Variants in TMEM200A observed in about 807,000 individuals in gnomAD.
TMEM200A encodes the protein two transmembrane C.
TMEM200A carries 12 observed loss-of-function variants against 24.3 expected under a neutral mutation model. The observed-to-expected ratio is 0.49, with a 90% CI of 0.32 to 0.80. The LOEUF (loss-of-function observed/expected upper bound fraction) is 0.80, where lower values mean the gene tolerates loss of function less well. Ranked by LOEUF, TMEM200A falls within the 30% of genes least tolerant of loss-of-function variation. The pLI is 0.04. For synonymous variants in TMEM200A, 224 were observed against 224.4 expected (o/e 1.00, Z 0.02); for missense variants, 545 against 614.4 (o/e 0.89, Z 1.19).
intron 2 of TMEM200A, among the ~76,000 whole-genome samples, chr6:130,405,990 C>T (rs953673312): frequency 6.6e-6 from 1 of 152,118 alleles, no homozygotes; most frequent in African/African-American, 2.4e-5. Flanking sequence ...TTATCCTCAC[C>T]CTCTATCATT....
At chr6:130,407,657 A>G (rs1026939953) in intron 2 of TMEM200A, among the ~76,000 whole-genome samples, 2 of 152,246 alleles carry the variant, frequency 1.3e-5, no homozygotes, top group Non-Finnish European at 2.9e-5. Context: ...CAAGACATGT[A>G]GAGATGAGTA....
intron 1 of TMEM200A, among the ~76,000 whole-genome samples, chr6:130,378,722 CA>C (rs56819618): frequency 0.061 from 3,409 of 56,328 alleles, 79 homozygotes; most frequent in African/African-American, 0.17. Flanking sequence ...GACTCCGTCT[CA>C]AAAAAAAAAA....
At chr6:130,417,307 G>A (rs1275067160) in intron 2 of TMEM200A, among the ~76,000 whole-genome samples, 2 of 152,098 alleles carry the variant, frequency 1.3e-5, no homozygotes, top group Non-Finnish European at 2.9e-5. Flanking sequence ...AACACTTTTG[G>A]TGTTGAATTA....
chr6:130,395,246 C>A (rs1156592010), intron 2 of TMEM200A, among the ~76,000 whole-genome samples: 3 of 152,172 alleles, frequency 2.0e-5, no homozygotes, highest in African/African-American at 7.2e-5. Flanking sequence ...ATTCTTCTAG[C>A]TAGATTGAGT....
At chr6:130,426,472 T>A (rs1044951027) in intron 2 of TMEM200A, among the ~76,000 whole-genome samples, 25 of 119,796 alleles carry the variant, frequency 2.1e-4, no homozygotes, top group African/African-American at 6.5e-4. Context: ...CCCCCCCCCC[T>A]CAGTTTCCCT....
At chr6:130,432,658 ATTGT>A (rs1416696113) in intron 2 of TMEM200A, among the ~76,000 whole-genome samples, 2 of 152,206 alleles carry the variant, frequency 1.3e-5, no homozygotes, top group Non-Finnish European at 2.9e-5. Flanking sequence ...AGTAATAGCT[ATTGT>A]TTGAGAACTT....
chr6:130,380,542 G>A (rs1778572631), intron 1 of TMEM200A, among the ~76,000 whole-genome samples: 2 of 152,134 alleles, frequency 1.3e-5, no homozygotes, highest in African/African-American at 4.8e-5. Context: ...TAAAGTTGAC[G>A]AGAAAAGACA....
intron 1 of TMEM200A, among the ~76,000 whole-genome samples, chr6:130,373,192 A>C (rs1024199165): frequency 1.3e-5 from 2 of 152,232 alleles, no homozygotes; most frequent in South Asian, 4.1e-4. Flanking sequence ...TTCCCTTGGC[A>C]AAGTAAGTCA....
chr6:130,410,959 A>G (rs1016165855), intron 2 of TMEM200A, among the ~76,000 whole-genome samples: 2 of 152,222 alleles, frequency 1.3e-5, no homozygotes, highest in African/African-American at 4.8e-5. Flanking sequence ...ACCTGAGGTC[A>G]GGAGTTTGAG....
chr6:130,413,881 A>G (rs1779387761), intron 2 of TMEM200A, among the ~76,000 whole-genome samples: 1 of 152,136 alleles, frequency 6.6e-6, no homozygotes, highest in Non-Finnish European at 1.5e-5. Context: ...TTTGAACGTT[A>G]TGTGCTTAGA....
intron 2 of TMEM200A, among the ~76,000 whole-genome samples, chr6:130,401,675 C>T (rs1056163887): frequency 4.6e-5 from 7 of 151,732 alleles, no homozygotes; most frequent in African/African-American, 1.7e-4. Context: ...TTAAGTATTG[C>T]AAGATTGTTT....
intron 2 of TMEM200A, among the ~76,000 whole-genome samples, chr6:130,435,819 A>T (rs536226540): frequency 2.0e-5 from 3 of 152,346 alleles, no homozygotes; most frequent in Admixed American, 2.0e-4. Flanking sequence ...CCTGTCAGGC[A>T]TGCTGGAGAG....
intron 2 of TMEM200A, among the ~76,000 whole-genome samples, chr6:130,407,875 C>A (rs1341405576): frequency 6.6e-6 from 1 of 152,176 alleles, no homozygotes; most frequent in African/African-American, 2.4e-5. Context: ...GACCTGATCT[C>A]TGAATTTTAC....
intron 2 of TMEM200A, among the ~76,000 whole-genome samples, chr6:130,425,660 A>G (rs1446377067): frequency 6.6e-6 from 1 of 152,184 alleles, no homozygotes; most frequent in Non-Finnish European, 1.5e-5. Context: ...TCAGAACTTG[A>G]GTTGGAAGAG....
intron 1 of TMEM200A, among the ~76,000 whole-genome samples, chr6:130,376,373 C>T (rs938298895): frequency 1.3e-5 from 2 of 152,136 alleles, no homozygotes; most frequent in African/African-American, 2.4e-5. Flanking sequence ...TGGGTTCAAG[C>T]GATTCTTATG....
Position 130,441,697 on chromosome 6 carries a change from C to A in TMEM200A, c.1275C>A (p.Asn425Lys), listed in dbSNP as rs762808645. 6.2e-7 allele frequency: 1 copy of A among 1,614,036 alleles called. No individual in the cohort carries two copies. The highest frequency in any genetic ancestry group is 2.2e-5 in the East Asian group (1 of 44,844). Reference sequence around the variant, plus strand: ...CAAGTTGGCCTAGGTTGGATCGGAACAACAGCAAGGGATATATGAAACTAG... The same window carrying A: ...CAAGTTGGCCTAGGTTGGATCGGAAAAACAGCAAGGGATATATGAAACTAG... ...KHPSWPRLDR[N>K]NSKGYMKLEN... The change falls in exon 3 of 3, where the codon AAC becomes AAA. Residue 425 changes from asparagine (N) to lysine (K), a missense_variant. Physicochemically the swap from Asn to Lys is moderately conservative, Grantham distance 94 (BLOSUM62 0). Coordinates refer to ENST00000296978, the MANE Select transcript of TMEM200A (RefSeq NM_001258277.2).
At chr6:130,375,601 T>C (rs1280000759) in intron 1 of TMEM200A, among the ~76,000 whole-genome samples, 1 of 152,184 alleles carries the variant, frequency 6.6e-6, no homozygotes, top group Non-Finnish European at 1.5e-5. Flanking sequence ...AGAGAGTGCA[T>C]GCGCTCATTT....
Position 130,385,235 on chromosome 6 carries a change from A to C in TMEM200A, c.-18A>C, listed in dbSNP as rs1174943015. ...GATTTCCTGGGACATCTGGCTCTGGAGGTGAGCGACAGCAGGGAATGACGT... is the reference window on the plus strand; with the variant it reads ...GATTTCCTGGGACATCTGGCTCTGGCGGTGAGCGACAGCAGGGAATGACGT... On this transcript the variant is annotated splice_region_variant and 5_prime_UTR_variant, in exon 2 of 3. Transcript: ENST00000296978. The C allele has an allele frequency of 6.6e-6, 1 of 152,210 alleles. No homozygotes were observed. The highest frequency in any genetic ancestry group is 1.5e-5 in the Non-Finnish European group (1 of 68,032). The allele number at this position is 152,210 out of a possible 1,614,324, so 9.4% of individuals were successfully genotyped here.
intron 2 of TMEM200A, among the ~76,000 whole-genome samples, chr6:130,436,222 A>T (rs1780004855): frequency 6.6e-6 from 1 of 152,132 alleles, no homozygotes; most frequent in African/African-American, 2.4e-5. Flanking sequence ...TGAAAAATAG[A>T]TATTACAATT....
Sources: gnomAD v4.1 joint callset for allele counts (sites outside exome capture counted in the v4.1 genomes callset) on GRCh38, gnomAD v4.1.1 for gene constraint, MANE v1.5 for transcripts, NCBI Gene and HGNC (gene_info 2026-07-23, HGNC 2026-07-21) for gene names.